PDE3A: variants seen among roughly 807,000 people sequenced by gnomAD.
The protein encoded by PDE3A is cGMP-inhibited 3',5'-cyclic phosphodiesterase 3A.
In PDE3A, 43 loss-of-function variants were observed where a neutral mutation model predicts 98.3. The ratio of observed to expected loss-of-function variants is 0.44; its 90% CI spans 0.34 to 0.56. PDE3A has a LOEUF of 0.56. Among genes scored for constraint, PDE3A ranks in the 20% least tolerant of loss-of-function variants. The probability of loss-of-function intolerance (pLI) is 0.01; values close to 1 mark genes in which losing one functional copy is unlikely to be tolerated. For synonymous variants in PDE3A, 663 were observed against 567.9 expected, an observed-to-expected ratio of 1.17 and a Z score of -2.38; for missense variants, 1,427 against 1,440.7, an observed-to-expected ratio of 0.99 and a Z score of 0.15.
intron 6 of PDE3A, among the ~76,000 whole-genome samples, chr12:20,631,290 T>G (rs1349532093): frequency 6.6e-6 from 1 of 152,206 alleles, no homozygotes; most frequent in Non-Finnish European, 1.5e-5. Flanking sequence ...AGTAAAATAT[T>G]CAGAAGATAT....
chr12:20,511,740 G>C (rs1455337698), intron 1 of PDE3A, among the ~76,000 whole-genome samples: 1 of 152,040 alleles, frequency 6.6e-6, no homozygotes, highest in Admixed American at 6.6e-5. Context: ...CTTCCAAAGA[G>C]AGACTTGGGC....
At chr12:20,376,154 G>A (rs1447966701) in intron 1 of PDE3A, among the ~76,000 whole-genome samples, 3 of 151,854 alleles carry the variant, frequency 2.0e-5, no homozygotes, top group African/African-American at 7.2e-5. Context: ...TGTCGAGTTA[G>A]TTTATGACTG....
At chr12:20,553,722 G>A (rs370787355) in intron 1 of PDE3A, among the ~76,000 whole-genome samples, 3 of 152,240 alleles carry the variant, frequency 2.0e-5, no homozygotes, top group Admixed American at 2.0e-4. Flanking sequence ...CAGGCGTGTG[G>A]CTGACGCTGT....
intron 1 of PDE3A, among the ~76,000 whole-genome samples, chr12:20,433,360 C>T (rs1944728678): frequency 6.6e-6 from 1 of 152,014 alleles, no homozygotes; most frequent in Admixed American, 6.6e-5. Flanking sequence ...GTTCATTGCA[C>T]TCTGAGAATA....
At chr12:20,434,291 T>C (rs1944745542) in intron 1 of PDE3A, among the ~76,000 whole-genome samples, 1 of 152,132 alleles carries the variant, frequency 6.6e-6, no homozygotes, top group African/African-American at 2.4e-5. Flanking sequence ...GATGGGAACA[T>C]ACATTTGCAA....
chr12:20,544,816 G>A (rs1295963634), intron 1 of PDE3A, among the ~76,000 whole-genome samples: 5 of 151,740 alleles, frequency 3.3e-5, no homozygotes, highest in African/African-American at 1.2e-4. Context: ...TTATAAAACT[G>A]TAAAAAATAT....
At chr12:20,655,618 G>A (rs1328820530) in intron 15 of PDE3A, among the ~76,000 whole-genome samples, 1 of 152,170 alleles carries the variant, frequency 6.6e-6, no homozygotes, top group Non-Finnish European at 1.5e-5. Flanking sequence ...CAGAAGAACA[G>A]CAACAACAAA....
At chr12:20,391,436 G>A (rs953919378) in intron 1 of PDE3A, among the ~76,000 whole-genome samples, 6 of 145,880 alleles carry the variant, frequency 4.1e-5, no homozygotes, top group Admixed American at 2.1e-4. Context: ...ATACAATTCC[G>A]GACCGTTGAC....
chr12:20,516,468 C>T (rs2121134320), intron 1 of PDE3A, among the ~76,000 whole-genome samples: 1 of 152,264 alleles, frequency 6.6e-6, no homozygotes, highest in Non-Finnish European at 1.5e-5. Context: ...TTTAAATGTA[C>T]TATGATCAAC....
Position 20,613,669 on chromosome 12 carries a change from G to T in PDE3A, c.1238G>T (p.Ser413Ile). The T allele has an allele frequency of 6.2e-7, 1 of 1,613,878 alleles. No individual in the cohort carries two copies. The highest frequency in any genetic ancestry group is 8.5e-7 in the Non-Finnish European group (1 of 1,179,786). The change falls in exon 3 of 16, where the codon AGC (serine) becomes ATC (isoleucine). Residue 413 changes from serine to isoleucine, a missense_variant. Transcript: ENST00000359062. ...ENYTCSDSEE[S>I]SEKDKLAIPK... The stretch of plus-strand genomic sequence containing the variant: ...TATACCTGTTCTGACTCTGAAGAGA[G>T]CTCTGAAAAAGACAAGCTTGCTATT...
chr12:20,412,729 T>G (rs533306738), intron 1 of PDE3A, among the ~76,000 whole-genome samples: 2 of 152,328 alleles, frequency 1.3e-5, no homozygotes, highest in Non-Finnish European at 2.9e-5. Flanking sequence ...TTAACTCTCC[T>G]TATCTTTTTC....
At chr12:20,490,894 G>A (rs1420340064) in intron 1 of PDE3A, among the ~76,000 whole-genome samples, 1 of 151,914 alleles carries the variant, frequency 6.6e-6, no homozygotes, top group East Asian at 1.9e-4. Flanking sequence ...ACTTGAGGCC[G>A]GGGAGTTTGA....
intron 2 of PDE3A, among the ~76,000 whole-genome samples, chr12:20,580,230 T>G (rs1943033119): frequency 6.6e-6 from 1 of 152,048 alleles, no homozygotes; most frequent in African/African-American, 2.4e-5. Context: ...GGGTAGAGAA[T>G]TGTGAGGAGG....
intron 1 of PDE3A, among the ~76,000 whole-genome samples, chr12:20,438,879 C>T (rs750869766): frequency 7.2e-5 from 11 of 152,000 alleles, no homozygotes; most frequent in Non-Finnish European, 1.5e-4. Context: ...CCTGCCTCCA[C>T]CTCCCAGGTT....
At chr12:20,581,037 C>G (rs918940700) in intron 2 of PDE3A, among the ~76,000 whole-genome samples, 1 of 152,122 alleles carries the variant, frequency 6.6e-6, no homozygotes, top group Non-Finnish European at 1.5e-5. Context: ...TGTTTAATTA[C>G]TGAGATTTTC....
chr12:20,409,610 T>C (rs1046183700), intron 1 of PDE3A, among the ~76,000 whole-genome samples: 3 of 152,166 alleles, frequency 2.0e-5, no homozygotes, highest in African/African-American at 7.2e-5. Flanking sequence ...CGAAATATTA[T>C]AGTTGGATAT....
chr12:20,401,563 T>G (rs1944130793), intron 1 of PDE3A, among the ~76,000 whole-genome samples: 2 of 152,208 alleles, frequency 1.3e-5, no homozygotes, highest in South Asian at 2.1e-4. Context: ...TCTACCACAT[T>G]ATTGCCCTCT....
At chr12:20,431,152 A>G (rs1255611024) in intron 1 of PDE3A, among the ~76,000 whole-genome samples, 3 of 152,160 alleles carry the variant, frequency 2.0e-5, no homozygotes, top group African/African-American at 7.2e-5. Context: ...TGTGTTTGCC[A>G]TTCTATAATT....
At chr12:20,531,293 T>C (rs1027370181) in intron 1 of PDE3A, among the ~76,000 whole-genome samples, 9 of 152,186 alleles carry the variant, frequency 5.9e-5, no homozygotes, top group African/African-American at 2.2e-4. Flanking sequence ...GCATTATAAG[T>C]GGTGATCCCT....
Sources: allele counts gnomAD v4.1 joint callset (sites outside exome capture counted in the v4.1 genomes callset), GRCh38; gene constraint gnomAD v4.1.1; transcripts MANE v1.5; gene names NCBI Gene and HGNC (gene_info 2026-07-23, HGNC 2026-07-21).